C20orf173: variants seen among roughly 807,000 people sequenced by gnomAD.
C20orf173 encodes uncharacterized protein C20orf173.
A neutral mutation model predicts 26.7 loss-of-function variants in C20orf173; 22 were observed. That is an observed-to-expected ratio of 0.82 (90% CI 0.59 to 1.18). The LOEUF (loss-of-function observed/expected upper bound fraction) is 1.18, where lower values mean the gene tolerates loss of function less well. Among genes scored for constraint, C20orf173 ranks in the 50% most tolerant of loss-of-function variants. The pLI is 0.00. For missense variants in C20orf173, 210 were observed against 250.3 expected (o/e 0.84, Z 1.09); for synonymous variants, 85 against 96.4 (o/e 0.88, Z 0.69).
At chr20:35,529,019 C>T (rs141291956) in intron 2 of C20orf173, 46 bp downstream of exon 2, 2 of 1,538,242 alleles carry the variant, frequency 1.3e-6, no homozygotes, top group African/African-American at 2.7e-5. Context: ...TGGGTGAGGC[C>T]CGGAAAGCAT....
chr20:35,528,302 G>T lies in C20orf173; in HGVS notation c.583-18C>A. On this transcript the variant is annotated intron_variant, in intron 4 of 5. Coordinates refer to ENST00000444723, the MANE Select transcript of C20orf173 (RefSeq NM_001145350.2). ...TCCAAAATCTGAGAAAGAATTGGAG[G>T]TGGGGGAGTTTGGGCCACAAGACCT... 1 of 1,551,886 alleles carries T rather than the reference G, an allele frequency of 6.4e-7. No homozygotes were observed. The highest frequency in any genetic ancestry group is 8.7e-7 in the Non-Finnish European group (1 of 1,147,028).
chr20:35,522,100 T>C (rs2064478893), downstream of C20orf173: 1 of 152,648 alleles, frequency 6.6e-6, no homozygotes, highest in African/African-American at 2.4e-5. Context: ...CCTAGGAAGA[T>C]GGAGAAAGGG....
intron 2 of C20orf173, 44 bp downstream of exon 2, chr20:35,529,021 G>A (rs944430660): frequency 1.1e-5 from 17 of 1,538,498 alleles, no homozygotes; most frequent in African/African-American, 4.1e-5. Context: ...GGTGAGGCCC[G>A]GAAAGCATGG....
chr20:35,523,118 A>T (rs946958186), downstream of C20orf173: 1 of 152,750 alleles, frequency 6.5e-6, no homozygotes, highest in African/African-American at 2.4e-5. Context: ...AGGCACGTGG[A>T]GGCAGGCAGA....
In C20orf173 at chr20:35,529,577, C is replaced by G; in HGVS notation, c.-70G>C. ...TGCTCACCCTCAAAACGGTCTCTGA[C>G]TGGGCATGGGGTGGAAGAGGCCAGG... On this transcript the variant is annotated 5_prime_UTR_variant, in exon 1 of 6. Coordinates refer to ENST00000444723, the MANE Select transcript of C20orf173 (RefSeq NM_001145350.2). 1 of 594,320 alleles carries G rather than the reference C, an allele frequency of 1.7e-6. No individual in the cohort carries two copies. The highest frequency in any genetic ancestry group is 2.8e-5 in the East Asian group (1 of 35,238). The allele number at this position is 594,320 out of a possible 1,614,324, so 36.8% of individuals were successfully genotyped here.
Position 35,529,246 on chromosome 20 carries a change from T to C in C20orf173, c.128A>G (p.His43Arg), listed in dbSNP as rs2147290917. The change falls in exon 2 of 6, where the codon CAT becomes CGT. Residue 43 changes from histidine to arginine, a missense_variant. His to Arg is a conservative substitution (Grantham distance 29). Coordinates refer to ENST00000444723, the MANE Select transcript of C20orf173 (RefSeq NM_001145350.2). ...GGAACTGAACCAAGGGCAGTCGCAA[T>C]GCTGTGGTACCAAGTACATTCGTTT... ...QEKRMYLVPQ[H>R]CDCPWFSSGK... is the part of the protein sequence containing the mutation. The C allele has an allele frequency of 6.4e-7, 1 of 1,551,656 alleles. No homozygotes were observed. Among genetic ancestry groups the C allele is most frequent in the Admixed American group, 2.0e-5 (1 of 50,986 alleles).
chr20:35,527,984 C>CT (rs1221363562), intron 5 of C20orf173, among the ~76,000 whole-genome samples: 1 of 152,158 alleles, frequency 6.6e-6, no homozygotes, highest in Non-Finnish European at 1.5e-5. Context: ...AGGCAGAAAA[C>CT]TTTAGACTCC....
chr20:35,528,275 C>G lies in C20orf173; in HGVS notation c.592G>C (p.Asp198His), dbSNP rs1274705644. The G allele has an allele frequency of 6.4e-7, 1 of 1,552,114 alleles. No individual in the cohort carries two copies. ...CCACTCCACTAGGGAACCAGACCAT[C>G]TTCCAAAATCTGAGAAAGAATTGGA... ...SDALSDKILE[D>H]GLVP The change falls in exon 5 of 6, where the codon GAT (aspartate) becomes CAT (histidine). Residue 198 changes from aspartate (D) to histidine (H), a missense_variant. By Grantham distance (81) the Asp-to-His change is moderately conservative. Transcript: ENST00000444723.
At chr20:35,526,523 G>A (rs2064503021), downstream of C20orf173, among the ~76,000 whole-genome samples, 2 of 151,910 alleles carry the variant, frequency 1.3e-5, no homozygotes, top group East Asian at 1.9e-4. Context: ...CAGCTACTCA[G>A]GGGGCTTAGG....
At chr20:35,523,557 A>G (rs2064487241), downstream of C20orf173, among the ~76,000 whole-genome samples, 1 of 152,214 alleles carries the variant, frequency 6.6e-6, no homozygotes, top group Non-Finnish European at 1.5e-5. Flanking sequence ...AGAAAGGGAG[A>G]GAGGACACTT....
Position 35,529,544 on chromosome 20 carries a change from T to TA in C20orf173, c.-52+14dup, listed in dbSNP as rs1397441070. 1 of 637,690 alleles carries TA rather than the reference T, an allele frequency of 1.6e-6. No individual in the cohort carries two copies. Among genetic ancestry groups the TA allele is most frequent in the Non-Finnish European group, 2.7e-6 (1 of 372,624 alleles). 39.5% of individuals were successfully genotyped at this position (637,690 alleles called of 1,614,324 possible). On this transcript the variant is annotated intron_variant, in intron 1 of 5. Coordinates refer to ENST00000444723, the MANE Select transcript of C20orf173 (RefSeq NM_001145350.2). ...TCCAACCCCTCCTCTCCTGCCTCAC[T>TA]ATCCATTTGCTCACCCTCAAAACGG...
At chr20:35,522,215 C>T (rs1315898891), downstream of C20orf173, 1 of 152,630 alleles carries the variant, frequency 6.6e-6, no homozygotes, top group Admixed American at 6.5e-5. Flanking sequence ...TTCGGTTCCA[C>T]CAGGAACCTG....
downstream of C20orf173, among the ~76,000 whole-genome samples, chr20:35,524,316 C>T (rs376003134): frequency 5.9e-5 from 9 of 152,020 alleles, no homozygotes; most frequent in Non-Finnish European, 8.8e-5. Flanking sequence ...CCACTGCGCC[C>T]GGCCAATCCA....
intron 5 of C20orf173, among the ~76,000 whole-genome samples, chr20:35,527,654 C>G (rs1020413220): frequency 6.6e-6 from 1 of 151,322 alleles, no homozygotes; most frequent in South Asian, 2.1e-4. Flanking sequence ...GAGTCTCGCT[C>G]TGTCACCAGG....
chr20:35,529,171 TG>T lies in C20orf173; in HGVS notation c.202del (p.His68ThrfsTer20), dbSNP rs2064531866. 1.9e-6 allele frequency: 3 copies of T among 1,551,692 alleles called. No individual in the cohort carries two copies. The highest frequency in any genetic ancestry group is 1.2e-5 in the South Asian group (1 of 84,058). On this transcript the variant is annotated frameshift_variant, in exon 2 of 6. Coordinates refer to ENST00000444723, the MANE Select transcript of C20orf173 (RefSeq NM_001145350.2). LOFTEE classifies it high-confidence loss of function. Reference sequence around the variant, plus strand: ...AAGCCAGTTCCATTCGTCGGCTGTGTGGTGGCAGGAGGAGCAGTTGAGGGTC... The same window carrying T: ...AAGCCAGTTCCATTCGTCGGCTGTGTGTGGCAGGAGGAGCAGTTGAGGGTC... ...SETLNCSSCH[H>X]TADEWNWLDA...
intron 5 of C20orf173, 142 bp from the exon 6 acceptor site, chr20:35,527,392 G>A (rs2064510225): frequency 6.6e-6 from 1 of 151,902 alleles, no homozygotes; most frequent in Non-Finnish European, 1.5e-5. Context: ...AACAGACTCT[G>A]GACACTCTCC....
At position 35,529,195 on chromosome 20, in the gene C20orf173, G is replaced by A. The variant is rs1292648401; in HGVS notation, c.179C>T (p.Thr60Ile). The A allele has an allele frequency of 3.2e-6, 5 of 1,551,706 alleles. No individual in the cohort carries two copies. The South Asian group carries it at 5.9e-5, about 18-fold the overall frequency. ...GTGGTGGCAGGAGGAGCAGTTGAGG[G>A]TCTCAGAAGGGCAGCCACACTTCCC... ...SSGKCGCPSE[T>I]LNCSSCHHTA... The change falls in exon 2 of 6, where the codon ACC becomes ATC. Residue 60 changes from threonine to isoleucine, a missense_variant. Thr to Ile is a moderately conservative substitution (Grantham distance 89, BLOSUM62 -1). Transcript: ENST00000444723.
chr20:35,529,242 G>A lies in C20orf173; in HGVS notation c.132C>T (p.Cys44=), dbSNP rs375185322. Residue 44 remains cysteine, a synonymous_variant, in exon 2 of 6, where the codon TGC becomes TGT. Coordinates refer to ENST00000444723, the MANE Select transcript of C20orf173 (RefSeq NM_001145350.2). ...TCCCGGAACTGAACCAAGGGCAGTC[G>A]CAATGCTGTGGTACCAAGTACATTC... The part of the protein sequence containing the change: ...EKRMYLVPQH[C]DCPWFSSGKC... The A allele has an allele frequency of 5.2e-6, 8 of 1,551,536 alleles. No homozygotes were observed. Among genetic ancestry groups the A allele is most frequent in the South Asian group, 3.6e-5 (3 of 84,062 alleles).
intron 5 of C20orf173, among the ~76,000 whole-genome samples, chr20:35,527,680 G>A (rs1264109687): frequency 6.6e-6 from 1 of 151,826 alleles, no homozygotes; most frequent in Non-Finnish European, 1.5e-5. Flanking sequence ...GTGCAGTGGC[G>A]CAATCTCGGC....
Sources: gnomAD v4.1 joint callset for allele counts (sites outside exome capture counted in the v4.1 genomes callset) on GRCh38, gnomAD v4.1.1 for gene constraint, MANE v1.5 for transcripts, NCBI Gene and HGNC (gene_info 2026-07-23, HGNC 2026-07-21) for gene names.